The following DSCAM variants were observed in gnomAD, a reference collection of about 807,000 sequenced individuals.
The protein encoded by DSCAM is DS cell adhesion molecule.
A neutral mutation model predicts 217.7 loss-of-function variants in DSCAM; 47 were observed. The ratio of observed to expected loss-of-function variants is 0.22; its 90% CI spans 0.17 to 0.28. The LOEUF (loss-of-function observed/expected upper bound fraction) is 0.28, where lower values mean the gene tolerates loss of function less well. Ranked by LOEUF, DSCAM falls within the 10% of genes least tolerant of loss-of-function variation. The pLI is 1.00. For synonymous variants in DSCAM, 1,056 were observed against 1,015.3 expected (o/e 1.04, Z -0.76); for missense variants, 2,080 against 2,618.3 (o/e 0.79, Z 4.49).
At chr21:40,368,229 A>G (rs575033818) in intron 4 of DSCAM, among the ~76,000 whole-genome samples, 10 of 152,138 alleles carry the variant, frequency 6.6e-5, no homozygotes, top group Non-Finnish European at 1.3e-4. Flanking sequence ...CTTTAACACA[A>G]AGAGGACGTT....
At chr21:40,479,328 CATT>C (rs2075962836) in intron 3 of DSCAM, among the ~76,000 whole-genome samples, 1 of 152,212 alleles carries the variant, frequency 6.6e-6, no homozygotes, top group Non-Finnish European at 1.5e-5. Flanking sequence ...TCATCATCAT[CATT>C]AACGGTGCAG....
chr21:40,085,738 A>G lies in DSCAM; in HGVS notation c.3996T>C (p.Ile1332=), dbSNP rs1268334438. ...TGCTAAAGATGCTCCTCCGCCCATC[A>G]ATCGTTACTAGACTGGGTGTCCCGT... The part of the protein sequence containing the change: ...DSNGTPSLVT[I]DGRRSIFSNG... Residue 1332 remains isoleucine, a synonymous_variant, in exon 23 of 33, where the codon ATT becomes ATC. Transcript: ENST00000400454. The G allele has an allele frequency of 5.1e-6, 8 of 1,570,196 alleles. No individual in the cohort carries two copies. Among genetic ancestry groups the G allele is most frequent in the Non-Finnish European group, 7.0e-6 (8 of 1,147,488 alleles).
intron 3 of DSCAM, among the ~76,000 whole-genome samples, chr21:40,486,162 C>T (rs2076026483): frequency 6.6e-6 from 1 of 152,234 alleles, no homozygotes; most frequent in Admixed American, 6.5e-5. Flanking sequence ...CCCCTATCCA[C>T]TCAGTTGCTA....
chr21:40,732,924 G>A (rs1006655355), intron 1 of DSCAM, among the ~76,000 whole-genome samples: 1 of 152,188 alleles, frequency 6.6e-6, no homozygotes, highest in Non-Finnish European at 1.5e-5. Context: ...AGATCCATGT[G>A]ATTGGCAGGT....
chr21:40,390,657 GTAGGCCTCAAT>G (rs1323862410), intron 3 of DSCAM, among the ~76,000 whole-genome samples: 1 of 152,058 alleles, frequency 6.6e-6, no homozygotes, highest in African/African-American at 2.4e-5. Context: ...CCAGCTTCTG[GTAGGCCTCAAT>G]GACCCTGGAT....
Position 40,122,398 on chromosome 21 carries a change from C to T in DSCAM, c.3696+1797G>A, listed in dbSNP as rs115522956. ...AGCCTGTTAGAGTCAAAAGAGCAAC[C>T]GTGAATCCCATAGCAAAGAGATCAA... is the stretch of plus-strand genomic sequence containing the variant. On this transcript the variant is annotated intron_variant, in intron 20 of 32. Transcript: ENST00000400454. 4.1e-3 allele frequency among the ~76,000 whole-genome samples: 624 copies of T among 152,214 alleles called. 6 individuals are homozygous for T. The highest frequency in any genetic ancestry group is 0.014 in the African/African-American group (579 of 41,520).
At chr21:40,730,642 T>C (rs2091002416) in intron 1 of DSCAM, among the ~76,000 whole-genome samples, 1 of 152,066 alleles carries the variant, frequency 6.6e-6, no homozygotes, top group Non-Finnish European at 1.5e-5. Flanking sequence ...CATGATGCTG[T>C]CTCTATAAGA....
chr21:40,525,501 A>G (rs925899460), intron 3 of DSCAM, among the ~76,000 whole-genome samples: 2 of 152,260 alleles, frequency 1.3e-5, no homozygotes, highest in Non-Finnish European at 2.9e-5. Context: ...TGAAACAAAC[A>G]TTCTTTAAGT....
chr21:40,498,779 GTGTATATATATATATATATATATATA>G (rs1482068394), intron 3 of DSCAM, among the ~76,000 whole-genome samples: 1,823 of 70,068 alleles, frequency 0.026, 101 homozygotes, highest in African/African-American at 0.075. Context: ...ATATATGGGT[GTGTATATATATATATATATATATATA>G]TATATATATA....
intron 8 of DSCAM, among the ~76,000 whole-genome samples, chr21:40,316,222 G>C (rs1219619683): frequency 6.6e-6 from 1 of 152,172 alleles, no homozygotes; most frequent in Non-Finnish European, 1.5e-5. Flanking sequence ...AATTAGGTTT[G>C]CTATGTGTTG....
intron 1 of DSCAM, among the ~76,000 whole-genome samples, chr21:40,821,087 TATAG>T (rs1311508823): frequency 4.8e-5 from 7 of 147,356 alleles, no homozygotes; most frequent in African/African-American, 1.8e-4. Context: ...TCTTCACATA[TATAG>T]AGAGATATAT....
At chr21:40,480,238 T>C (rs1469501888) in intron 3 of DSCAM, among the ~76,000 whole-genome samples, 1 of 152,204 alleles carries the variant, frequency 6.6e-6, no homozygotes. Context: ...TATAGGCTCC[T>C]GTTAGAAAAG....
At chr21:40,139,957 G>A (rs1308011633) in intron 18 of DSCAM, among the ~76,000 whole-genome samples, 1 of 151,066 alleles carries the variant, frequency 6.6e-6, no homozygotes, top group South Asian at 2.1e-4. Context: ...TGTGATGTTT[G>A]TGAGGTGTGT....
At chr21:40,406,980 G>C (rs556376463) in intron 3 of DSCAM, among the ~76,000 whole-genome samples, 5 of 152,184 alleles carry the variant, frequency 3.3e-5, no homozygotes, top group African/African-American at 1.2e-4. Context: ...TGGTTACCTG[G>C]GGCTGACAGG....
chr21:40,306,427 C>T (rs2074077515), intron 9 of DSCAM, among the ~76,000 whole-genome samples: 1 of 149,704 alleles, frequency 6.7e-6, no homozygotes, highest in Non-Finnish European at 1.5e-5. Context: ...AATTGAATAC[C>T]CTTTATTTCC....
intron 11 of DSCAM, among the ~76,000 whole-genome samples, chr21:40,273,705 G>C (rs558469647): frequency 1.3e-5 from 2 of 152,208 alleles, no homozygotes; most frequent in African/African-American, 4.8e-5. Flanking sequence ...CAACGGAAAT[G>C]TATTCCTCAC....
At chr21:40,131,337 C>A (rs978120012) in intron 19 of DSCAM, among the ~76,000 whole-genome samples, 1 of 152,128 alleles carries the variant, frequency 6.6e-6, no homozygotes, top group Non-Finnish European at 1.5e-5. Context: ...AATTCTTCAC[C>A]GTTTCTAAAT....
intron 3 of DSCAM, among the ~76,000 whole-genome samples, chr21:40,634,217 A>G (rs957342700): frequency 1.3e-5 from 2 of 152,238 alleles, no homozygotes; most frequent in Non-Finnish European, 2.9e-5. Flanking sequence ...TTTGAAAACA[A>G]TAAGAGGAAA....
At position 40,358,627 on chromosome 21, in the gene DSCAM, T is replaced by C. The variant is rs138211822; in HGVS notation, c.656-4884A>G. Among the ~76,000 whole-genome samples the C allele has an allele frequency of 1.6e-3, 237 of 152,040 alleles. 3 individuals carry two copies. The Middle Eastern group carries it at 0.024, about 15-fold the overall frequency. ...TTCAAGACGAGCCTGGCCAACATGGTGGAACCCCGTCTCTACTAAAAATAC... is the reference window on the plus strand; with the variant it reads ...TTCAAGACGAGCCTGGCCAACATGGCGGAACCCCGTCTCTACTAAAAATAC... On this transcript the variant is annotated intron_variant, in intron 4 of 32. Transcript: ENST00000400454.
Sources: allele counts gnomAD v4.1 joint callset (sites outside exome capture counted in the v4.1 genomes callset), GRCh38; gene constraint gnomAD v4.1.1; transcripts MANE v1.5; gene names NCBI Gene and HGNC (gene_info 2026-07-23, HGNC 2026-07-21).